The following PNPLA7 variants were observed in gnomAD, a reference collection of about 807,000 sequenced individuals.
PNPLA7 encodes patatin-like phospholipase domain-containing protein 7.
In PNPLA7, 153 loss-of-function variants were observed where a neutral mutation model predicts 161.7. That is an observed-to-expected ratio of 0.95 (90% CI 0.83 to 1.08). The LOEUF is 1.08. PNPLA7 is among the 50% of genes least tolerant of loss of function. PNPLA7 has a pLI of 0.00. For missense variants in PNPLA7, 1,739 were observed against 1,856.6 expected (o/e 0.94, Z 1.16); for synonymous variants, 809 against 782.1 (o/e 1.03, Z -0.57).
intron 4 of PNPLA7, among the ~76,000 whole-genome samples, chr9:137,544,847 G>A (rs949120480): frequency 1.3e-5 from 2 of 151,960 alleles, no homozygotes; most frequent in Non-Finnish European, 2.9e-5. Context: ...ACAGGGTTTC[G>A]CCATGTTGGC....
rs1234289977 is a variant in PNPLA7 at position 137,479,220 on chromosome 9, T to C, written c.2599A>G (p.Ser867Gly). 6.5e-7 allele frequency: 1 copy of C among 1,542,756 alleles called. No individual in the cohort carries two copies. The highest frequency in any genetic ancestry group is 8.8e-7 in the Non-Finnish European group (1 of 1,142,360). Residue 867 changes from serine to glycine, a missense_variant, in exon 24 of 35, where the codon AGC (serine) becomes GGC (glycine). By Grantham distance (56) the Ser-to-Gly change is moderately conservative (BLOSUM62 0). Transcript: ENST00000406427. ...TVGELERMLE[S>G]TAVRAQKQLI... ...TGCTTCTGGGCACGCACAGCTGTGC[T>C]CTCCAGCATCCGCTCCAGCTGAAAG...
At chr9:137,516,840 A>G (rs946474151) in intron 11 of PNPLA7, among the ~76,000 whole-genome samples, 7 of 150,252 alleles carry the variant, frequency 4.7e-5, no homozygotes, top group African/African-American at 1.7e-4. Flanking sequence ...AATAATTATT[A>G]TTATTATTAT....
chr9:137,532,607 G>C lies in PNPLA7; in HGVS notation c.747+8035C>G, dbSNP rs185407771. ...GCGGCTGATGAAAGCAAGTGACAGG[G>C]TCATGGCTGGTGGAGCCCTCTAAGG... On this transcript the variant is annotated intron_variant, in intron 8 of 34. Transcript: ENST00000406427. Among the ~76,000 whole-genome samples, 4 of 152,324 alleles carry C rather than the reference G, an allele frequency of 2.6e-5. No homozygotes were observed. In the East Asian group the frequency reaches 7.7e-4, roughly 29 times the overall value.
chr9:137,520,554 G>C lies in PNPLA7; in HGVS notation c.958-511C>G, dbSNP rs1262402220. On this transcript the variant is annotated intron_variant, in intron 10 of 34. Coordinates refer to ENST00000406427, the MANE Select transcript of PNPLA7 (RefSeq NM_001098537.3). The surrounding 1 kb of genome is among the most constrained non-coding windows in gnomAD (Gnocchi z 5.2). ...TTCCAACTGAAATGCACATACTAAA[G>C]ACTAATGCGTGCTGGGCCTTTACTA... is the stretch of plus-strand genomic sequence containing the variant. Among the ~76,000 whole-genome samples the C allele has an allele frequency of 1.3e-5, 2 of 152,338 alleles. No homozygotes were observed. Among genetic ancestry groups the C allele is most frequent in the East Asian group, 1.9e-4 (1 of 5,186 alleles).
Position 137,502,261 on chromosome 9 carries a change from C to T in PNPLA7, c.1474-534G>A, listed in dbSNP as rs144492794. 4.2e-3 allele frequency among the ~76,000 whole-genome samples: 645 copies of T among 152,232 alleles called. 4 individuals carry two copies. The highest frequency in any genetic ancestry group is 0.013 in the African/African-American group (558 of 41,550). ...CAAACCAAGGGTGAGGGAGCGTCTG[C>T]GGGCACCACACCCACGAAGGTTTGA... On this transcript the variant is annotated intron_variant, in intron 14 of 34. Coordinates refer to ENST00000406427, the MANE Select transcript of PNPLA7 (RefSeq NM_001098537.3).
chr9:137,510,298 G>T (rs536046563), intron 12 of PNPLA7, among the ~76,000 whole-genome samples: 1 of 152,040 alleles, frequency 6.6e-6, no homozygotes, highest in African/African-American at 2.4e-5. Context: ...AGGCCTAACC[G>T]TCTCCCTGTG....
At chr9:137,517,615 C>T (rs1834677492) in intron 11 of PNPLA7, among the ~76,000 whole-genome samples, 1 of 79,374 alleles carries the variant, frequency 1.3e-5, no homozygotes, top group Admixed American at 1.1e-4. Flanking sequence ...CATCCCCCGT[C>T]ACTCACTCCA....
intron 25 of PNPLA7, among the ~76,000 whole-genome samples, chr9:137,474,315 A>T (rs772145123): frequency 6.6e-6 from 1 of 152,194 alleles, no homozygotes; most frequent in African/African-American, 2.4e-5. Flanking sequence ...CCAACTGTGC[A>T]TCGACAGGAA....
At position 137,516,309 on chromosome 9, in the gene PNPLA7, G is replaced by C. The variant is rs185515555; in HGVS notation, c.1085-790C>G. 9,386 of 983,874 alleles carry C rather than the reference G, an allele frequency of 9.5e-3. 47 individuals carry two copies. Among genetic ancestry groups the C allele is most frequent in the Non-Finnish European group, 0.011 (8,795 of 829,576 alleles). 60.9% of individuals were successfully genotyped at this position (983,874 alleles called of 1,614,324 possible). A position where few individuals can be genotyped will look rare whatever the true frequency, so the allele number is the denominator to read the frequency against. On this transcript the variant is annotated intron_variant, in intron 11 of 34. Transcript: ENST00000406427. ...GCAGGGCTGCATCTGCCCCTCAGGT[G>C]AAACGAGGAAGGAGCCTGGCCTTGC... is the stretch of plus-strand genomic sequence containing the variant.
rs769187550 is a variant in PNPLA7, at chr9:137,515,469, G to A, written c.1135C>T (p.His379Tyr). 4.4e-6 allele frequency: 7 copies of A among 1,585,704 alleles called. No homozygotes were observed. The highest frequency in any genetic ancestry group is 1.8e-5 in the Admixed American group (1 of 54,988). ...AAAGPLLKRS[H>Y]SVPAPSIRKQ... ...CGAATGGAAGGCGCGGGGACGGAGT[G>A]GCTCCTCTTCAGCAGGGGCCCAGCA... is the stretch of plus-strand genomic sequence containing the variant. The change falls in exon 12 of 35, where the codon CAC becomes TAC. Residue 379 changes from histidine to tyrosine, a missense_variant. Physicochemically the swap from His to Tyr is moderately conservative, Grantham distance 83. Around this residue, in one of 6 missense-constraint regions of PNPLA7, gnomAD observed 481 missense variants for 450.0 expected, o/e 1.07. Transcript: ENST00000406427.
At position 137,500,331 on chromosome 9, in the gene PNPLA7, G is replaced by A. The variant is rs1408977270; in HGVS notation, c.1757+360C>T. On this transcript the variant is annotated intron_variant, in intron 16 of 34. Transcript: ENST00000406427. The surrounding 1 kb of genome is among the most constrained non-coding windows in gnomAD (Gnocchi z 5.5). The stretch of plus-strand genomic sequence containing the variant: ...AGAGGTGGGACGGCTCACGGCCCCT[G>A]AAGCCCGGCCCTGCCCCAACGTGGG... 6.6e-6 allele frequency among the ~76,000 whole-genome samples: 1 copy of A among 152,240 alleles called. No individual in the cohort carries two copies. Among genetic ancestry groups the A allele is most frequent in the Admixed American group, 6.5e-5 (1 of 15,286 alleles).
intron 19 of PNPLA7, among the ~76,000 whole-genome samples, chr9:137,494,685 C>G (rs1832948226): frequency 6.7e-6 from 1 of 149,116 alleles, no homozygotes; most frequent in African/African-American, 2.5e-5. Context: ...CTCACCTGCT[C>G]CATGACCTCA....
chr9:137,498,393 G>A lies in PNPLA7; in HGVS notation c.1758-148C>T, dbSNP rs527424346. On this transcript the variant is annotated intron_variant, in intron 16 of 34. Transcript: ENST00000406427. Reference sequence around the variant, plus strand: ...ACTGGCAGGGGCTGGGACGGGGCACGCACCAGTCAGCTGCCTGCCCCACGG... The same window carrying A: ...ACTGGCAGGGGCTGGGACGGGGCACACACCAGTCAGCTGCCTGCCCCACGG... 35 of 1,191,536 alleles carry A rather than the reference G, an allele frequency of 2.9e-5. No homozygotes were observed. The South Asian group carries it at 4.5e-4, about 15-fold the overall frequency. The allele number at this position is 1,191,536 out of a possible 1,614,324, so 73.8% of individuals were successfully genotyped here.
At chr9:137,527,769 A>C (rs1011694827) in intron 8 of PNPLA7, among the ~76,000 whole-genome samples, 2 of 152,258 alleles carry the variant, frequency 1.3e-5, no homozygotes, top group East Asian at 3.8e-4. Context: ...CAAAAACTAA[A>C]CTGGGAAATA....
At chr9:137,497,893 ATGGACTATG>A (rs1833150875) in intron 17 of PNPLA7, among the ~76,000 whole-genome samples, 1 of 152,274 alleles carries the variant, frequency 6.6e-6, no homozygotes, top group African/African-American at 2.4e-5. Flanking sequence ...CTCATAGAAC[ATGGACTATG>A]TCCAAGCGTG....
rs981487055 is a variant in PNPLA7, at chr9:137,536,475, C to T, written c.747+4167G>A. On this transcript the variant is annotated intron_variant, in intron 8 of 34. Transcript: ENST00000406427. ...GCATTCACGGAGCCGCTGGTTCAGG[C>T]GTGAATCTGTAATGGGTGCATATAA... Among the ~76,000 whole-genome samples, 12 of 152,028 alleles carry T rather than the reference C, an allele frequency of 7.9e-5. No individual in the cohort carries two copies. The South Asian group carries it at 8.3e-4, about 11-fold the overall frequency.
rs1027199823 is a variant in PNPLA7 at position 137,523,381 on chromosome 9, G to T, written c.748-524C>A. Among the ~76,000 whole-genome samples the T allele has an allele frequency of 6.6e-6, 1 of 152,202 alleles. No homozygotes were observed. The highest frequency in any genetic ancestry group is 1.5e-5 in the Non-Finnish European group (1 of 68,026). On this transcript the variant is annotated intron_variant, in intron 8 of 34. Transcript: ENST00000406427. The surrounding 1 kb of genome is among the most constrained non-coding windows in gnomAD (Gnocchi z 4.4). ...CTGCCGGGTCGCACGAGGCCCAGGT[G>T]AGGAGCCACAGTGGCTCACCGCGTG...
chr9:137,546,532 T>G (rs1010957222), intron 4 of PNPLA7, among the ~76,000 whole-genome samples: 16 of 152,332 alleles, frequency 1.1e-4, no homozygotes, highest in Middle Eastern at 6.8e-3. Context: ...CCGGCCACTG[T>G]GCACCACAGA....
intron 12 of PNPLA7, among the ~76,000 whole-genome samples, chr9:137,506,689 G>A (rs1176066953): frequency 6.6e-5 from 10 of 152,200 alleles, no homozygotes; most frequent in Non-Finnish European, 5.9e-5. Context: ...CGGGCTGAGC[G>A]GGATGAAGCA....
Sources: gnomAD v4.1 joint callset for allele counts (sites outside exome capture counted in the v4.1 genomes callset) on GRCh38, gnomAD v4.1.1 for gene constraint, gnomAD v4.1.1 regional missense constraint, Gnocchi (gnomAD v3.1) non-coding constraint, MANE v1.5 for transcripts, NCBI Gene and HGNC (gene_info 2026-07-23, HGNC 2026-07-21) for gene names.